SORCS1: variants seen among roughly 807,000 people sequenced by gnomAD.
SORCS1 encodes VPS10 domain-containing receptor SorCS1.
SORCS1 carries 60 observed loss-of-function variants against 146.1 expected under a neutral mutation model. That is an observed-to-expected ratio of 0.41 (90% CI 0.33 to 0.51). The LOEUF (loss-of-function observed/expected upper bound fraction) is 0.51. Ranked by LOEUF, SORCS1 falls within the 20% of genes least tolerant of loss-of-function variation. SORCS1 has a pLI of 0.21. For missense variants in SORCS1, 1,352 were observed against 1,487.6 expected, an observed-to-expected ratio of 0.91 and a Z score of 1.50; for synonymous variants, 637 against 584.0, an observed-to-expected ratio of 1.09 and a Z score of -1.31.
At chr10:106,826,979 C>T (rs1948333466) in intron 3 of SORCS1, among the ~76,000 whole-genome samples, 1 of 152,130 alleles carries the variant, frequency 6.6e-6, no homozygotes, top group Non-Finnish European at 1.5e-5. Context: ...TAACTATGGA[C>T]TAATTATGCA....
intron 9 of SORCS1, among the ~76,000 whole-genome samples, chr10:106,689,663 C>T (rs1853147785): frequency 6.6e-6 from 1 of 152,190 alleles, no homozygotes; most frequent in Non-Finnish European, 1.5e-5. Flanking sequence ...ACCTCCAATA[C>T]TCACTACAAA....
At chr10:106,706,517 G>A (rs1174676101) in intron 8 of SORCS1, 28 bp downstream of exon 8, 4 of 1,606,006 alleles carry the variant, frequency 2.5e-6, no homozygotes, top group Non-Finnish European at 2.6e-6. Context: ...AGTCAAGAGT[G>A]AAATGAAGAA....
intron 2 of SORCS1, among the ~76,000 whole-genome samples, chr10:106,874,409 C>G (rs1950530113): frequency 6.6e-6 from 1 of 152,118 alleles, no homozygotes; most frequent in East Asian, 1.9e-4. Flanking sequence ...ACTCAAGAAA[C>G]CAAGTGAACT....
rs763349509 is a variant in SORCS1 at position 106,673,036 on chromosome 10, GTAA to G, written c.1941-54_1941-52del. ...AATTACAATGATAACAATGTAATGA[GTAA>G]TAACAACAGAGAGCATTTGTGGGGC... On this transcript the variant is annotated intron_variant, in intron 14 of 25. Transcript: ENST00000263054. The G allele has an allele frequency of 4.2e-6, 6 of 1,433,020 alleles. No homozygotes were observed. The South Asian group carries it at 5.9e-5, about 14-fold the overall frequency. 88.8% of individuals were successfully genotyped at this position (1,433,020 alleles called of 1,614,324 possible). A position where few individuals can be genotyped will look rare whatever the true frequency, so the allele number is the denominator to read the frequency against.
At chr10:106,985,803 G>C (rs1012183058) in intron 1 of SORCS1, among the ~76,000 whole-genome samples, 10 of 151,414 alleles carry the variant, frequency 6.6e-5, no homozygotes, top group African/African-American at 2.4e-4. Flanking sequence ...CCAAAGTGCT[G>C]GGATTACAGG....
chr10:106,854,818 T>C (rs1949721590), intron 2 of SORCS1, among the ~76,000 whole-genome samples: 1 of 152,118 alleles, frequency 6.6e-6, no homozygotes, highest in African/African-American at 2.4e-5. Context: ...CATACCTAAG[T>C]GTGTATGTGT....
At chr10:107,031,227 G>C (rs78486191) in intron 1 of SORCS1, among the ~76,000 whole-genome samples, 1 of 152,076 alleles carries the variant, frequency 6.6e-6, no homozygotes, top group African/African-American at 2.4e-5. Context: ...TATTACATGT[G>C]TCAATAGTTT....
At chr10:106,597,001 A>G (rs933764794) in intron 24 of SORCS1, among the ~76,000 whole-genome samples, 11 of 151,976 alleles carry the variant, frequency 7.2e-5, no homozygotes, top group Non-Finnish European at 1.5e-4. Flanking sequence ...ACAGGCATGC[A>G]CCACCCTGCC....
At chr10:107,137,760 G>A (rs957143515) in intron 1 of SORCS1, among the ~76,000 whole-genome samples, 11 of 151,900 alleles carry the variant, frequency 7.2e-5, no homozygotes, top group Admixed American at 7.2e-4. Flanking sequence ...TACTTGGGAG[G>A]CTGAGGCAGG....
intron 2 of SORCS1, among the ~76,000 whole-genome samples, chr10:106,900,277 G>A (rs1054816162): frequency 2.6e-5 from 4 of 151,946 alleles, no homozygotes; most frequent in African/African-American, 7.3e-5. Flanking sequence ...TTATATCCCC[G>A]GTACCTTTCC....
chr10:107,126,710 TC>T (rs1966733148), intron 1 of SORCS1, among the ~76,000 whole-genome samples: 2 of 152,050 alleles, frequency 1.3e-5, no homozygotes, highest in South Asian at 4.2e-4. Context: ...CAGAGGCACT[TC>T]TTTTGATGGA....
chr10:106,836,474 CAAAAA>C (rs68181690), intron 2 of SORCS1, among the ~76,000 whole-genome samples: 778 of 77,784 alleles, frequency 0.01, 6 homozygotes, highest in African/African-American at 0.039. Context: ...GACTCGGTCT[CAAAAA>C]AAAAAAAAAA....
intron 17 of SORCS1, among the ~76,000 whole-genome samples, chr10:106,660,184 C>A (rs1850619337): frequency 6.6e-6 from 1 of 152,188 alleles, no homozygotes; most frequent in African/African-American, 2.4e-5. Context: ...TCCAGAGACA[C>A]TGGAAATAGC....
chr10:106,762,988 T>C (rs953554698), intron 4 of SORCS1, among the ~76,000 whole-genome samples: 5 of 152,116 alleles, frequency 3.3e-5, no homozygotes, highest in African/African-American at 1.2e-4. Flanking sequence ...CTCTCCCCTT[T>C]GTCTTCTTTT....
Position 106,699,225 on chromosome 10 carries a change from C to T in SORCS1, c.1402G>A (p.Asp468Asn), listed in dbSNP as rs199785933. ...GCCTCGTGACATACCTCATAGAGGT[C>T]GATCATGATGTTGCCCTCAGGGCCT... ...SRGPEGNIMI[D>N]LYEVAGIKGM... Residue 468 changes from aspartate to asparagine, a missense_variant, in exon 9 of 26, where the codon GAC becomes AAC. This residue lies in a region of SORCS1 where 648 missense variants were observed against 793.8 expected (regional missense o/e 0.82). Coordinates refer to ENST00000263054, the MANE Select transcript of SORCS1 (RefSeq NM_052918.5). 1.1e-5 allele frequency: 17 copies of T among 1,611,380 alleles called. No individual in the cohort carries two copies. The highest frequency in any genetic ancestry group is 2.7e-5 in the African/African-American group (2 of 74,818).
intron 23 of SORCS1, among the ~76,000 whole-genome samples, chr10:106,601,389 A>G (rs1846231053): frequency 6.6e-6 from 1 of 152,210 alleles, no homozygotes; most frequent in Non-Finnish European, 1.5e-5. Flanking sequence ...CGCCATAGAA[A>G]CAACACATTA....
intron 2 of SORCS1, among the ~76,000 whole-genome samples, chr10:106,833,961 T>C (rs1469802083): frequency 2.0e-5 from 3 of 152,036 alleles, no homozygotes. Flanking sequence ...GCCCAGCTAA[T>C]GTTTTGTATT....
chr10:106,728,162 G>A lies in SORCS1; in HGVS notation c.1024+1888C>T, dbSNP rs530098753. Among the ~76,000 whole-genome samples the A allele has an allele frequency of 3.0e-4, 46 of 152,124 alleles. No individual in the cohort carries two copies. In the East Asian group the frequency reaches 7.5e-3, roughly 25 times the overall value. On this transcript the variant is annotated intron_variant, in intron 6 of 25. Coordinates refer to ENST00000263054, the MANE Select transcript of SORCS1 (RefSeq NM_052918.5). ...TTATCCTGCCTCCACCTCCCAAGTC[G>A]CTGGGACAACAGGCACGCACCACCA...
chr10:106,877,255 C>A (rs1589611233), intron 2 of SORCS1, among the ~76,000 whole-genome samples: 1 of 152,102 alleles, frequency 6.6e-6, no homozygotes, highest in African/African-American at 2.4e-5. Context: ...ATGCTAGCAT[C>A]AGTCTACTTT....
Sources: gnomAD v4.1 joint callset for allele counts (sites outside exome capture counted in the v4.1 genomes callset) on GRCh38, gnomAD v4.1.1 for gene constraint, gnomAD v4.1.1 regional missense constraint, MANE v1.5 for transcripts, NCBI Gene and HGNC (gene_info 2026-07-23, HGNC 2026-07-21) for gene names.